Variants in RABGAP1L observed in about 807,000 individuals in gnomAD.
The protein encoded by RABGAP1L is RAB GTPase activating protein 1 like.
Under a neutral mutation model 137.7 loss-of-function variants are expected in RABGAP1L, and 63 were observed. The ratio of observed to expected loss-of-function variants is 0.46; its 90% confidence interval spans 0.37 to 0.56. The LOEUF (loss-of-function observed/expected upper bound fraction) is 0.56, where lower values mean the gene tolerates loss of function less well. Among genes scored for constraint, RABGAP1L ranks in the 20% least tolerant of loss-of-function variants. RABGAP1L has a pLI of 0.00. For synonymous variants in RABGAP1L, 431 were observed against 433.7 expected (o/e 0.99, Z 0.08); for missense variants, 1,095 against 1,244.0 (o/e 0.88, Z 1.80).
At chr1:174,714,855 AGT>A (rs1480246953) in intron 17 of RABGAP1L, among the ~76,000 whole-genome samples, 1 of 152,162 alleles carries the variant, frequency 6.6e-6, no homozygotes, top group African/African-American at 2.4e-5. Flanking sequence ...AAGTATTTCT[AGT>A]GTGTGTGTAA....
rs1230763573 is a variant in RABGAP1L at position 174,631,267 on chromosome 1, A to T, written c.1711-6108A>T. On this transcript the variant is annotated intron_variant, in intron 13 of 25. Transcript: ENST00000681986. ...ACTGTGGTCTGAGAGATAGTTTGTT[A>T]TAATTTCTGTTCTTTTACATTTGCT... Among the ~76,000 whole-genome samples the T allele has an allele frequency of 6.7e-4, 79 of 117,634 alleles. 1 individual carries two copies. Among genetic ancestry groups the T allele is most frequent in the African/African-American group, 2.6e-3 (69 of 26,578 alleles). 77.2% of individuals were successfully genotyped at this position (117,634 alleles called of 152,430 possible). A position where few individuals can be genotyped will look rare whatever the true frequency, so the allele number is the denominator to read the frequency against.
rs577396029 is a variant in RABGAP1L at position 174,540,485 on chromosome 1, G to A, written c.1711-96890G>A. 1.9e-3 allele frequency among the ~76,000 whole-genome samples: 292 copies of A among 152,292 alleles called. 1 individual carries two copies. The highest frequency in any genetic ancestry group is 3.7e-3 in the Non-Finnish European group (251 of 68,024). ...TAATTTTTGTATAAGGTATACGGAA[G>A]GGATCCAGTTTCAGCTTTCTACGTA... On this transcript the variant is annotated intron_variant, in intron 13 of 25. Coordinates refer to ENST00000681986, the MANE Select transcript of RABGAP1L (RefSeq NM_001366446.1).
intron 13 of RABGAP1L, among the ~76,000 whole-genome samples, chr1:174,526,631 T>C: frequency 6.6e-6 from 1 of 152,138 alleles, no homozygotes; most frequent in East Asian, 1.9e-4. Context: ...TATCGTTATT[T>C]ATAATAGTCT....
chr1:174,362,058 G>C (rs1239362596), intron 11 of RABGAP1L, among the ~76,000 whole-genome samples: 1 of 152,132 alleles, frequency 6.6e-6, no homozygotes, highest in Non-Finnish European at 1.5e-5. Context: ...TCCTGCGTTA[G>C]TTTGCTAAGG....
intron 13 of RABGAP1L, among the ~76,000 whole-genome samples, chr1:174,462,336 A>G (rs1428671669): frequency 6.6e-6 from 1 of 152,166 alleles, no homozygotes; most frequent in Non-Finnish European, 1.5e-5. Context: ...AAATCTATAC[A>G]TCTGTTTTAC....
chr1:174,667,810 A>C (rs1025420397), intron 14 of RABGAP1L, among the ~76,000 whole-genome samples: 3 of 151,894 alleles, frequency 2.0e-5, no homozygotes, highest in Non-Finnish European at 4.4e-5. Context: ...ACTGTGCACT[A>C]TTTCATTGTA....
chr1:174,656,573 C>T (rs886264696), intron 14 of RABGAP1L, among the ~76,000 whole-genome samples: 10 of 152,270 alleles, frequency 6.6e-5, no homozygotes, highest in African/African-American at 2.4e-4. Context: ...CAAAAAGAAA[C>T]CTTATACCCA....
chr1:174,892,315 A>G, intron 19 of RABGAP1L: 1 of 331,146 alleles, frequency 3.0e-6, no homozygotes, highest in Non-Finnish European at 5.8e-6. Context: ...TTGCTATTTC[A>G]GCCATTGCTG....
chr1:174,900,500 T>C (rs574702221), intron 19 of RABGAP1L, among the ~76,000 whole-genome samples: 8 of 152,208 alleles, frequency 5.3e-5, no homozygotes, highest in Non-Finnish European at 1.2e-4. Context: ...GTGTAAATGT[T>C]GTGGAGAGGA....
chr1:174,704,439 G>A (rs1432679986), intron 17 of RABGAP1L, among the ~76,000 whole-genome samples: 1 of 152,186 alleles, frequency 6.6e-6, no homozygotes, highest in African/African-American at 2.4e-5. Context: ...TGCAGGCAAG[G>A]CTGGTCTTTT....
intron 14 of RABGAP1L, among the ~76,000 whole-genome samples, chr1:174,667,430 A>G (rs1422408046): frequency 6.6e-6 from 1 of 152,180 alleles, no homozygotes; most frequent in Non-Finnish European, 1.5e-5. Flanking sequence ...TCTACCATTT[A>G]TTAGCTATAT....
chr1:174,786,698 T>A (rs995788296), intron 18 of RABGAP1L, among the ~76,000 whole-genome samples: 4 of 152,216 alleles, frequency 2.6e-5, no homozygotes, highest in Admixed American at 1.3e-4. Flanking sequence ...TATCCCTCCC[T>A]TCTTTTAGAA....
intron 13 of RABGAP1L, among the ~76,000 whole-genome samples, chr1:174,509,634 T>C (rs908274907): frequency 3.3e-5 from 5 of 152,190 alleles, no homozygotes; most frequent in African/African-American, 9.7e-5. Flanking sequence ...CAACACTTTA[T>C]GCAGTGATTC....
chr1:174,313,185 A>G (rs1031185499), intron 11 of RABGAP1L, among the ~76,000 whole-genome samples: 3 of 152,042 alleles, frequency 2.0e-5, no homozygotes, highest in African/African-American at 7.2e-5. Context: ...CGGCCTCCCA[A>G]AGTGCTGGGA....
At chr1:174,645,531 C>T (rs1557944591) in intron 14 of RABGAP1L, among the ~76,000 whole-genome samples, 7 of 151,970 alleles carry the variant, frequency 4.6e-5, no homozygotes, top group Non-Finnish European at 1.5e-5. Context: ...CATCCATGTC[C>T]CTGCAAAGGA....
intron 21 of RABGAP1L, among the ~76,000 whole-genome samples, chr1:174,970,843 G>A (rs1363173739): frequency 1.3e-5 from 2 of 152,122 alleles, no homozygotes; most frequent in Non-Finnish European, 2.9e-5. Flanking sequence ...ACTAGTAGGG[G>A]AGAATGACAG....
chr1:174,393,668 T>C (rs1231468882), intron 12 of RABGAP1L, among the ~76,000 whole-genome samples: 1 of 152,242 alleles, frequency 6.6e-6, no homozygotes, highest in Non-Finnish European at 1.5e-5. Flanking sequence ...TGGTTCTTTT[T>C]ATGCCTTGAA....
intron 19 of RABGAP1L, among the ~76,000 whole-genome samples, chr1:174,926,062 C>G (rs1662793787): frequency 6.6e-6 from 1 of 151,360 alleles, no homozygotes; most frequent in African/African-American, 2.4e-5. Flanking sequence ...GTTGTCTGAC[C>G]AACATTTATT....
intron 13 of RABGAP1L, among the ~76,000 whole-genome samples, chr1:174,458,699 A>G (rs1360795311): frequency 6.6e-6 from 1 of 152,118 alleles, no homozygotes. Context: ...CTTAGTGTCT[A>G]GTTTCTTTAT....
Sources: gnomAD v4.1 joint callset for allele counts (sites outside exome capture counted in the v4.1 genomes callset) on GRCh38, gnomAD v4.1.1 for gene constraint, MANE v1.5 for transcripts, NCBI Gene and HGNC (gene_info 2026-07-23, HGNC 2026-07-21) for gene names.